Variants in FAM184A observed in about 807,000 individuals in gnomAD.
FAM184A encodes protein FAM184A.
In FAM184A, 99 loss-of-function variants were observed where a neutral mutation model predicts 143.8. The ratio of observed to expected loss-of-function variants is 0.69; its 90% confidence interval spans 0.58 to 0.81. The LOEUF is 0.81. FAM184A is among the 40% of genes least tolerant of loss of function. The pLI, the probability that FAM184A is intolerant of heterozygous loss-of-function variation, is 0.00. For missense variants in FAM184A, 1,217 were observed against 1,310.5 expected (o/e 0.93, Z 1.10); for synonymous variants, 427 against 446.4 (o/e 0.96, Z 0.55).
At chr6:119,006,063 C>T (rs1784907224) in intron 7 of FAM184A, 2 of 764,456 alleles carry the variant, frequency 2.6e-6, no homozygotes, top group African/African-American at 3.4e-5. Context: ...TGATGTCAAA[C>T]TGGAGTAGAA....
intron 1 of FAM184A, among the ~76,000 whole-genome samples, chr6:119,146,607 T>C (rs1165303248): frequency 1.3e-5 from 2 of 152,052 alleles, no homozygotes; most frequent in African/African-American, 4.8e-5. Context: ...AAATCACCCA[T>C]ATTTTCCCAT....
intron 1 of FAM184A, among the ~76,000 whole-genome samples, chr6:119,072,261 T>C (rs951641353): frequency 5.9e-5 from 9 of 152,216 alleles, no homozygotes; most frequent in Non-Finnish European, 1.2e-4. Context: ...TTTGTGTCCA[T>C]TAGTAAAATG....
intron 1 of FAM184A, among the ~76,000 whole-genome samples, chr6:119,120,127 G>C (rs1181319092): frequency 1.3e-5 from 2 of 152,204 alleles, no homozygotes; most frequent in Non-Finnish European, 2.9e-5. Context: ...TTAGAAGGTT[G>C]CATCACTGCA....
At chr6:119,137,379 C>T (rs1247476570) in intron 1 of FAM184A, among the ~76,000 whole-genome samples, 3 of 152,250 alleles carry the variant, frequency 2.0e-5, no homozygotes, top group Non-Finnish European at 2.9e-5. Flanking sequence ...TGTTATAAAA[C>T]CAGTCCTATC....
At chr6:119,138,431 G>A (rs530963177) in intron 1 of FAM184A, among the ~76,000 whole-genome samples, 1 of 152,246 alleles carries the variant, frequency 6.6e-6, no homozygotes, top group Admixed American at 6.5e-5. Context: ...GGCTGATTAT[G>A]CAAGCTCTTG....
chr6:119,096,601 AGT>A (rs1788514805), intron 1 of FAM184A, among the ~76,000 whole-genome samples: 1 of 28,190 alleles, frequency 3.5e-5, no homozygotes, highest in South Asian at 1.6e-3. Context: ...GCGCCACTGC[AGT>A]CCGCAGTCCG....
At chr6:119,098,733 G>A (rs1228005116) in intron 1 of FAM184A, among the ~76,000 whole-genome samples, 2 of 152,186 alleles carry the variant, frequency 1.3e-5, no homozygotes, top group East Asian at 3.8e-4. Context: ...AAGAACCGTG[G>A]TCAGAGTTCA....
intron 4 of FAM184A, among the ~76,000 whole-genome samples, chr6:119,019,774 G>A (rs1016151999): frequency 6.6e-6 from 1 of 152,258 alleles, no homozygotes; most frequent in Non-Finnish European, 1.5e-5. Context: ...TATATAGATT[G>A]TTACCCACAT....
intron 1 of FAM184A, among the ~76,000 whole-genome samples, chr6:119,039,960 A>C (rs1331807155): frequency 6.6e-6 from 1 of 152,228 alleles, no homozygotes; most frequent in Non-Finnish European, 1.5e-5. Context: ...CCCTAAACAC[A>C]CTACGCGTGC....
At chr6:119,075,477 C>T (rs1787839808) in intron 1 of FAM184A, among the ~76,000 whole-genome samples, 1 of 152,104 alleles carries the variant, frequency 6.6e-6, no homozygotes, top group African/African-American at 2.4e-5. Flanking sequence ...TGTTTCATGG[C>T]TTGCTCAAGG....
intron 17 of FAM184A, 26 bp downstream of exon 17, chr6:118,961,735 A>G (rs1182057569): frequency 1.3e-6 from 2 of 1,583,588 alleles, no homozygotes; most frequent in Non-Finnish European, 1.7e-6. Flanking sequence ...AAGAAAAGAA[A>G]AAAACATTGG....
rs564799373 is a variant in FAM184A, at chr6:119,139,189, A to T, written c.-202+9889T>A. Reference sequence around the variant, plus strand: ...TTCCTTTTAGTTTTGTTCTCAGTGGATAACTAAGCAGTAAAGTGACTGAAA... The same window carrying T: ...TTCCTTTTAGTTTTGTTCTCAGTGGTTAACTAAGCAGTAAAGTGACTGAAA... On this transcript the variant is annotated intron_variant, in intron 1 of 16. Coordinates refer to the FAM184A transcript ENST00000352896. 6.6e-5 allele frequency among the ~76,000 whole-genome samples: 10 copies of T among 152,304 alleles called. No individual in the cohort carries two copies. The South Asian group carries it at 1.7e-3, about 25-fold the overall frequency.
At chr6:119,023,753 A>G (rs1785534058) in intron 2 of FAM184A, among the ~76,000 whole-genome samples, 1 of 151,506 alleles carries the variant, frequency 6.6e-6, no homozygotes, top group South Asian at 2.1e-4. Context: ...AAAGTCTGAA[A>G]TAACAACTAC....
chr6:118,998,753 T>C (rs1266899766), intron 9 of FAM184A, among the ~76,000 whole-genome samples: 1 of 152,210 alleles, frequency 6.6e-6, no homozygotes, highest in Non-Finnish European at 1.5e-5. Flanking sequence ...GGATCCAGCA[T>C]GGCTGTAAAA....
intron 4 of FAM184A, 49 bp downstream of exon 4, chr6:119,019,929 A>G (rs1315381640): frequency 1.4e-6 from 2 of 1,438,330 alleles, no homozygotes; most frequent in Middle Eastern, 1.8e-4. Flanking sequence ...TGTGAAAAAG[A>G]GAAAAACGGA....
chr6:118,975,229 T>C (rs1455198136), intron 12 of FAM184A, 21 bp from the exon 13 acceptor site: 4 of 1,442,456 alleles, frequency 2.8e-6, no homozygotes, highest in Non-Finnish European at 3.7e-6. Context: ...AAAAAAGTCA[T>C]TTTTAGAAGT....
chr6:119,003,738 A>G (rs1784837646), intron 7 of FAM184A, 116 bp from the exon 8 acceptor site: 2 of 940,928 alleles, frequency 2.1e-6, no homozygotes, highest in Non-Finnish European at 2.9e-6. Context: ...TTACAGCCCA[A>G]TACTTGATAA....
intron 1 of FAM184A, among the ~76,000 whole-genome samples, chr6:119,048,305 C>G (rs996892737): frequency 1.3e-5 from 2 of 152,142 alleles, no homozygotes; most frequent in African/African-American, 2.4e-5. Context: ...AAGCATTTCC[C>G]TTGAAAACCA....
chr6:118,982,025 T>TA (rs1583780883), intron 9 of FAM184A, among the ~76,000 whole-genome samples: 1 of 152,094 alleles, frequency 6.6e-6, no homozygotes, highest in South Asian at 2.1e-4. Flanking sequence ...ACCCACGACT[T>TA]ACAGACTGAA....
Sources: gnomAD v4.1 joint callset for allele counts (sites outside exome capture counted in the v4.1 genomes callset) on GRCh38, gnomAD v4.1.1 for gene constraint, MANE v1.5 for transcripts, NCBI Gene and HGNC (gene_info 2026-07-23, HGNC 2026-07-21) for gene names.